BCL2L1: variants seen among roughly 807,000 people sequenced by gnomAD.
The protein encoded by BCL2L1 is BCL2 like 1.
Under a neutral mutation model 18.7 loss-of-function variants are expected in BCL2L1, and 1 was observed. That is an observed-to-expected ratio of 0.05 (90% CI 0.02 to 0.25). The LOEUF (loss-of-function observed/expected upper bound fraction) is 0.25, where lower values mean the gene tolerates loss of function less well. BCL2L1 is among the 10% of genes least tolerant of loss of function. The probability of loss-of-function intolerance (pLI) is 1.00; values close to 1 mark genes in which losing one functional copy is unlikely to be tolerated. For missense variants in BCL2L1, 207 were observed against 304.9 expected (o/e 0.68, Z 2.39); for synonymous variants, 103 against 122.7 (o/e 0.84, Z 1.06).
Position 31,665,632 on chromosome 20 carries a change from G to A in BCL2L1, c.*317C>T. On this transcript the variant is annotated 3_prime_UTR_variant, in exon 3 of 3. Transcript: ENST00000307677. The stretch of plus-strand genomic sequence containing the variant: ...AAAACATTTTCAGGGAGGCTAAGGG[G>A]TAAGGGTTGCACCAATCAGGTAGGG... The A allele has an allele frequency of 2.9e-6, 1 of 348,410 alleles. No homozygotes were observed. The highest frequency in any genetic ancestry group is 5.2e-6 in the Non-Finnish European group (1 of 190,574). 21.6% of individuals were successfully genotyped at this position (348,410 alleles called of 1,614,324 possible).
intron 2 of BCL2L1, among the ~76,000 whole-genome samples, chr20:31,688,031 T>A (rs2122592287): frequency 6.6e-6 from 1 of 152,254 alleles, no homozygotes; most frequent in African/African-American, 2.4e-5. Flanking sequence ...GCCTTCCTCT[T>A]TGAGTAGTTA....
chr20:31,722,883 A>C (rs909761945), upstream of BCL2L1: 1 of 152,380 alleles, frequency 6.6e-6, no homozygotes. Flanking sequence ...GCCGCTCCGC[A>C]GCCGCGGCCT....
intron 2 of BCL2L1, among the ~76,000 whole-genome samples, chr20:31,674,894 G>C (rs1184508603): frequency 1.4e-5 from 2 of 140,100 alleles, no homozygotes; most frequent in Non-Finnish European, 3.1e-5. Flanking sequence ...AAAAAAAAAA[G>C]GGAAGCCATT....
chr20:31,707,210 G>C (rs6058421), intron 2 of BCL2L1, among the ~76,000 whole-genome samples: 44,253 of 151,992 alleles, frequency 0.29, 8,082 homozygotes, highest in African/African-American at 0.51. Flanking sequence ...AGGAGGTAGG[G>C]GACAAGGTTG....
chr20:31,689,534 C>A (rs1409422011), intron 2 of BCL2L1, among the ~76,000 whole-genome samples: 3 of 151,886 alleles, frequency 2.0e-5, no homozygotes, highest in Non-Finnish European at 4.4e-5. Context: ...CAGTAGTAGT[C>A]AGGCTCTAGG....
chr20:31,686,042 CT>C (rs1046722531), intron 2 of BCL2L1, among the ~76,000 whole-genome samples: 60 of 152,312 alleles, frequency 3.9e-4, no homozygotes, highest in African/African-American at 1.3e-3. Context: ...TTGCAAACCC[CT>C]GTCCTTGAAA....
At chr20:31,690,573 A>AT (rs112840835) in intron 2 of BCL2L1, among the ~76,000 whole-genome samples, 14,349 of 141,646 alleles carry the variant, frequency 0.1, 812 homozygotes, top group African/African-American at 0.17. Flanking sequence ...GTCAGTATGT[A>AT]TTTTTTTTTT....
At chr20:31,677,675 T>C (rs989889966) in intron 2 of BCL2L1, among the ~76,000 whole-genome samples, 1 of 152,216 alleles carries the variant, frequency 6.6e-6, no homozygotes, top group Admixed American at 6.5e-5. Flanking sequence ...TTTTCTCAGC[T>C]TCACCTAGGG....
rs1318688259 is a variant in BCL2L1, at chr20:31,664,707, G to A, written c.*1242C>T. The A allele has an allele frequency of 1.4e-5, 3 of 216,274 alleles. No homozygotes were observed. Among genetic ancestry groups the A allele is most frequent in the Admixed American group, 5.8e-5 (1 of 17,174 alleles). 13.4% of individuals were successfully genotyped at this position (216,274 alleles called of 1,614,324 possible). On this transcript the variant is annotated 3_prime_UTR_variant, in exon 3 of 3. Transcript: ENST00000307677. The stretch of plus-strand genomic sequence containing the variant: ...GCTCCTCACACATAAATACAGACAC[G>A]CTTAACAAAAATAGTATATCATCTT...
chr20:31,671,827 G>T (rs1322230782), intron 2 of BCL2L1, among the ~76,000 whole-genome samples: 1 of 149,884 alleles, frequency 6.7e-6, no homozygotes, highest in Non-Finnish European at 1.5e-5. Flanking sequence ...CATGAAATTT[G>T]AATACCTCAG....
At chr20:31,713,396 T>G (rs2122792764) in intron 2 of BCL2L1, 1 of 985,316 alleles carries the variant, frequency 1.0e-6, no homozygotes. Flanking sequence ...AAGTAGTTTT[T>G]GGGGGGCGGA....
At position 31,721,982 on chromosome 20, in the gene BCL2L1, C is replaced by T. The variant is rs2061641363; in HGVS notation, c.237G>A (p.Glu79=). The change falls in exon 2 of 3, where the codon GAG becomes GAA. Residue 79 remains glutamate, a synonymous_variant. Transcript: ENST00000307677. ...TGHSSSLDAR[E]VIPMAAVKQA... is the part of the protein sequence containing the mutation. The stretch of plus-strand genomic sequence containing the variant: ...GCTTTACTGCTGCCATGGGGATCAC[C>T]TCCCGGGCATCCAAACTGCTGCTGT... The T allele has an allele frequency of 6.2e-7, 1 of 1,614,074 alleles. No homozygotes were observed. Among genetic ancestry groups the T allele is most frequent in the African/African-American group, 1.3e-5 (1 of 74,928 alleles).
chr20:31,686,854 G>A (rs1206865579), intron 2 of BCL2L1, among the ~76,000 whole-genome samples: 1 of 152,236 alleles, frequency 6.6e-6, no homozygotes. Flanking sequence ...GGAAGCCCAT[G>A]GAGACCATAG....
At chr20:31,723,525 A>G, upstream of BCL2L1, 1 of 984,806 alleles carries the variant, frequency 1.0e-6, no homozygotes. Context: ...CGAGCTCACT[A>G]GGCCGGGTAC....
chr20:31,695,727 G>A lies in BCL2L1; in HGVS notation c.564+25928C>T, dbSNP rs191805778. On this transcript the variant is annotated intron_variant, in intron 2 of 2. Coordinates refer to ENST00000307677, the MANE Select transcript of BCL2L1 (RefSeq NM_138578.3). ...CTCCCAAAGTGTTGGGATTATAGGC[G>A]TGAGCCACTGCATCTGGCTTTTTTT... Among the ~76,000 whole-genome samples the A allele has an allele frequency of 2.4e-4, 36 of 152,324 alleles. No homozygotes were observed. The Middle Eastern group carries it at 0.014, about 58-fold the overall frequency.
At chr20:31,702,650 A>G (rs749933496) in intron 2 of BCL2L1, among the ~76,000 whole-genome samples, 16 of 151,520 alleles carry the variant, frequency 1.1e-4, no homozygotes, top group Admixed American at 2.0e-4. Flanking sequence ...AGTAGCTGAG[A>G]TTACAGGCAT....
intron 2 of BCL2L1, among the ~76,000 whole-genome samples, chr20:31,672,574 C>G (rs899060769): frequency 6.6e-6 from 1 of 152,174 alleles, no homozygotes; most frequent in Non-Finnish European, 1.5e-5. Context: ...CCTGGTTTCC[C>G]CCAACAGTCT....
intron 2 of BCL2L1, among the ~76,000 whole-genome samples, chr20:31,688,471 A>AAAAAGAAAAG (rs555815717): frequency 6.6e-6 from 1 of 151,554 alleles, no homozygotes; most frequent in Non-Finnish European, 1.5e-5. Flanking sequence ...GAAAGAAAAG[A>AAAAAGAAAAG]AAAAGAAAAG....
intron 2 of BCL2L1, among the ~76,000 whole-genome samples, chr20:31,710,686 T>G (rs1252437676): frequency 6.6e-6 from 1 of 152,222 alleles, no homozygotes; most frequent in Non-Finnish European, 1.5e-5. Context: ...GGCCCAGCAA[T>G]GCAGTCAGGT....
Sources: gnomAD v4.1 joint callset for allele counts (sites outside exome capture counted in the v4.1 genomes callset) on GRCh38, gnomAD v4.1.1 for gene constraint, MANE v1.5 for transcripts, NCBI Gene and HGNC (gene_info 2026-07-23, HGNC 2026-07-21) for gene names.